The following ERBB4 variants were observed in gnomAD, a reference collection of about 807,000 sequenced individuals.
ERBB4 encodes erb-b2 receptor tyrosine kinase 4.
ERBB4 carries 42 observed loss-of-function variants against 158.0 expected under a neutral mutation model. That is an observed-to-expected ratio of 0.27 (90% CI 0.21 to 0.34). The LOEUF (loss-of-function observed/expected upper bound fraction) is 0.34. Ranked by LOEUF, ERBB4 falls within the 10% of genes least tolerant of loss-of-function variation. ERBB4 has a pLI of 1.00. For synonymous variants in ERBB4, 583 were observed against 558.7 expected (o/e 1.04, Z -0.61); for missense variants, 1,333 against 1,624.1 (o/e 0.82, Z 3.08).
chr2:212,051,795 T>A (rs1575567570), intron 2 of ERBB4, among the ~76,000 whole-genome samples: 1 of 152,220 alleles, frequency 6.6e-6, no homozygotes, highest in Admixed American at 6.5e-5. Context: ...GTCTAAATTT[T>A]ATTAACATTT....
intron 2 of ERBB4, among the ~76,000 whole-genome samples, chr2:211,953,214 C>A (rs2080925667): frequency 6.6e-6 from 1 of 151,644 alleles, no homozygotes; most frequent in African/African-American, 2.4e-5. Flanking sequence ...TGTCCAAGGA[C>A]CACAGTAGTA....
intron 2 of ERBB4, among the ~76,000 whole-genome samples, chr2:212,081,248 G>T (rs1575606383): frequency 1.3e-5 from 2 of 152,140 alleles, no homozygotes; most frequent in African/African-American, 4.8e-5. Flanking sequence ...CAACCAAACT[G>T]CAGTCAGCAT....
intron 1 of ERBB4, among the ~76,000 whole-genome samples, chr2:212,164,953 GA>G (rs2081304323): frequency 6.7e-6 from 1 of 148,654 alleles, no homozygotes; most frequent in Admixed American, 6.6e-5. Context: ...TGACTTTGAA[GA>G]AATTTTTCTT....
At chr2:211,874,935 G>C (rs146457877) in intron 3 of ERBB4, among the ~76,000 whole-genome samples, 1 of 141,704 alleles carries the variant, frequency 7.1e-6, no homozygotes, top group East Asian at 2.2e-4. Flanking sequence ...CAAAAGGTTT[G>C]TCAAAGACAC....
At chr2:212,008,551 T>C (rs1485097066) in intron 2 of ERBB4, among the ~76,000 whole-genome samples, 1 of 152,212 alleles carries the variant, frequency 6.6e-6, no homozygotes, top group African/African-American at 2.4e-5. Flanking sequence ...CATTCAGTCA[T>C]TGTATTTAGC....
chr2:211,713,966 C>A (rs766880973), intron 7 of ERBB4, among the ~76,000 whole-genome samples: 4 of 152,164 alleles, frequency 2.6e-5, no homozygotes, highest in Non-Finnish European at 5.9e-5. Context: ...AGTTCCACTT[C>A]ATTTCATGAC....
chr2:211,865,967 T>G (rs1459885460), intron 3 of ERBB4, among the ~76,000 whole-genome samples: 1 of 152,212 alleles, frequency 6.6e-6, no homozygotes, highest in Non-Finnish European at 1.5e-5. Flanking sequence ...TAGAATTAAA[T>G]ATACACTTAT....
chr2:212,420,539 C>T (rs1184195952), intron 1 of ERBB4, among the ~76,000 whole-genome samples: 2 of 152,024 alleles, frequency 1.3e-5, no homozygotes, highest in African/African-American at 4.8e-5. Context: ...CCAAGTTTTC[C>T]AAATCAAAAA....
At chr2:212,406,666 C>A (rs1038087388) in intron 1 of ERBB4, among the ~76,000 whole-genome samples, 1 of 152,216 alleles carries the variant, frequency 6.6e-6, no homozygotes, top group Non-Finnish European at 1.5e-5. Context: ...TTAAAAACCT[C>A]TCAGAGACTC....
intron 1 of ERBB4, among the ~76,000 whole-genome samples, chr2:212,427,092 G>T (rs563732270): frequency 6.6e-6 from 1 of 152,006 alleles, no homozygotes; most frequent in Non-Finnish European, 1.5e-5. Context: ...ATTTTCTAAT[G>T]CAGTAGTCCA....
At chr2:211,473,471 C>G in intron 20 of ERBB4, among the ~76,000 whole-genome samples, 1 of 152,048 alleles carries the variant, frequency 6.6e-6, no homozygotes, top group East Asian at 1.9e-4. Context: ...GAAAATAAAT[C>G]TTCTTTGAAT....
intron 2 of ERBB4, among the ~76,000 whole-genome samples, chr2:212,069,870 C>A (rs1319228964): frequency 6.6e-6 from 1 of 151,902 alleles, no homozygotes; most frequent in Non-Finnish European, 1.5e-5. Flanking sequence ...ATTATTCCAG[C>A]ACTTTGGGAG....
intron 1 of ERBB4, among the ~76,000 whole-genome samples, chr2:212,344,994 G>A (rs534125089): frequency 6.6e-6 from 1 of 152,120 alleles, no homozygotes; most frequent in South Asian, 2.1e-4. Flanking sequence ...GGGCGTGGTG[G>A]GTCACGCCTG....
intron 4 of ERBB4, among the ~76,000 whole-genome samples, chr2:211,755,544 T>C (rs566503726): frequency 6.6e-6 from 1 of 152,246 alleles, no homozygotes; most frequent in Admixed American, 6.5e-5. Context: ...TAAAAATAAG[T>C]TCTGGTTACT....
chr2:211,626,181 C>A (rs2069835169), intron 17 of ERBB4, among the ~76,000 whole-genome samples: 1 of 152,090 alleles, frequency 6.6e-6, no homozygotes, highest in African/African-American at 2.4e-5. Flanking sequence ...CATTGCCTGG[C>A]ATATTGTAAG....
chr2:212,144,906 G>C (rs967366730), intron 1 of ERBB4, among the ~76,000 whole-genome samples: 1 of 152,094 alleles, frequency 6.6e-6, no homozygotes, highest in Non-Finnish European at 1.5e-5. Context: ...CTTAAAACCA[G>C]AATTTTAAAA....
chr2:212,352,585 TGGCCA>T (rs1188086288), intron 1 of ERBB4, among the ~76,000 whole-genome samples: 1 of 152,076 alleles, frequency 6.6e-6, no homozygotes, highest in Non-Finnish European at 1.5e-5. Context: ...TTTAATGAAC[TGGCCA>T]GGTGTGGTGG....
intron 16 of ERBB4, among the ~76,000 whole-genome samples, chr2:211,633,040 C>G (rs887601333): frequency 2.0e-5 from 3 of 152,008 alleles, no homozygotes; most frequent in Admixed American, 1.3e-4. Flanking sequence ...AAACAAGCAA[C>G]CAGTAAAATC....
At chr2:211,425,075 C>A (rs114259947) in intron 22 of ERBB4, among the ~76,000 whole-genome samples, 1,742 of 152,202 alleles carry the variant, frequency 0.011, 37 homozygotes, top group African/African-American at 0.039. Flanking sequence ...ATAATATATA[C>A]ACTAAATATC....
Sources: allele counts gnomAD v4.1 joint callset (sites outside exome capture counted in the v4.1 genomes callset), GRCh38; gene constraint gnomAD v4.1.1; transcripts MANE v1.5; gene names NCBI Gene and HGNC (gene_info 2026-07-23, HGNC 2026-07-21).